The following FRMD4A variants were observed in gnomAD, a reference collection of about 807,000 sequenced individuals.
FRMD4A encodes the protein FERM domain-containing protein 4A.
In FRMD4A, 29 loss-of-function variants were observed where a neutral mutation model predicts 129.1. The observed-to-expected ratio is 0.22, with a 90% confidence interval of 0.17 to 0.31. The LOEUF (loss-of-function observed/expected upper bound fraction) is 0.31. Ranked by LOEUF, FRMD4A falls within the 10% of genes least tolerant of loss-of-function variation. The probability of loss-of-function intolerance (pLI) is 1.00; values close to 1 mark genes in which losing one functional copy is unlikely to be tolerated. For missense variants in FRMD4A, 1,272 were observed against 1,375.8 expected, an observed-to-expected ratio of 0.92 and a Z score of 1.19; for synonymous variants, 634 against 571.6, an observed-to-expected ratio of 1.11 and a Z score of -1.56.
chr10:14,072,350 C>G (rs1261673888), intron 2 of FRMD4A, among the ~76,000 whole-genome samples: 2 of 152,096 alleles, frequency 1.3e-5, no homozygotes. Flanking sequence ...GAAGAAAAAG[C>G]CAAAAATAAC....
chr10:14,321,805 A>G (rs1843066421), intron 2 of FRMD4A, among the ~76,000 whole-genome samples: 1 of 152,152 alleles, frequency 6.6e-6, no homozygotes, highest in Admixed American at 6.5e-5. Flanking sequence ...CCAAATCTCA[A>G]GTCTGAATTG....
chr10:14,282,211 G>C (rs1388427987), intron 2 of FRMD4A, among the ~76,000 whole-genome samples: 1 of 152,134 alleles, frequency 6.6e-6, no homozygotes, highest in Non-Finnish European at 1.5e-5. Context: ...GGAATTAGGG[G>C]AGCTAAAATT....
At chr10:13,834,521 C>T (rs1349438473) in intron 3 of FRMD4A, among the ~76,000 whole-genome samples, 1 of 152,178 alleles carries the variant, frequency 6.6e-6, no homozygotes, top group Non-Finnish European at 1.5e-5. Context: ...CTTGGAGTTC[C>T]TCTAAGTATT....
At chr10:13,788,282 C>CACGT (rs2092915812) in intron 5 of FRMD4A, among the ~76,000 whole-genome samples, 1 of 152,162 alleles carries the variant, frequency 6.6e-6, no homozygotes, top group Non-Finnish European at 1.5e-5. Context: ...ACCCTAGGGA[C>CACGT]ACGTACCAGA....
chr10:14,308,160 G>A (rs1846414836), intron 2 of FRMD4A, among the ~76,000 whole-genome samples: 1 of 152,204 alleles, frequency 6.6e-6, no homozygotes, highest in Non-Finnish European at 1.5e-5. Context: ...GTCAAATGAA[G>A]CCAGTTTTGA....
chr10:13,732,006 T>A (rs2090352481), intron 12 of FRMD4A, among the ~76,000 whole-genome samples: 1 of 152,186 alleles, frequency 6.6e-6, no homozygotes, highest in Non-Finnish European at 1.5e-5. Context: ...GATTTTCGAT[T>A]TTTTGACAAA....
At chr10:13,856,013 ACTATCTAT>A (rs67479789) in intron 3 of FRMD4A, among the ~76,000 whole-genome samples, 11,886 of 147,828 alleles carry the variant, frequency 0.08, 545 homozygotes, top group East Asian at 0.2. Flanking sequence ...ACACACAAAT[ACTATCTAT>A]CTATCTATCT....
At chr10:13,683,618 G>A (rs2084814986) in intron 15 of FRMD4A, among the ~76,000 whole-genome samples, 1 of 151,868 alleles carries the variant, frequency 6.6e-6, no homozygotes, top group Non-Finnish European at 1.5e-5. Context: ...AAAAAAGAAT[G>A]AGACAGGTAG....
At chr10:14,155,386 C>T (rs1191321245) in intron 2 of FRMD4A, among the ~76,000 whole-genome samples, 1 of 152,152 alleles carries the variant, frequency 6.6e-6, no homozygotes, top group Non-Finnish European at 1.5e-5. Flanking sequence ...TAAGAGTCAC[C>T]TTGATCCCAG....
chr10:14,058,284 C>T (rs962779805), intron 2 of FRMD4A, among the ~76,000 whole-genome samples: 1 of 152,134 alleles, frequency 6.6e-6, no homozygotes, highest in African/African-American at 2.4e-5. Flanking sequence ...TTGAGTTACA[C>T]ACCTATTGCT....
intron 2 of FRMD4A, among the ~76,000 whole-genome samples, chr10:14,142,646 C>T (rs1839892884): frequency 6.6e-6 from 1 of 152,168 alleles, no homozygotes; most frequent in Admixed American, 6.5e-5. Flanking sequence ...TAATCCAATG[C>T]AGTCATTTAT....
chr10:14,321,785 G>C (rs1378457312), intron 2 of FRMD4A, among the ~76,000 whole-genome samples: 2 of 152,296 alleles, frequency 1.3e-5, no homozygotes, highest in East Asian at 3.9e-4. Context: ...GTTTGCATCT[G>C]TGTCCCTGCC....
At chr10:13,994,129 C>T (rs1357566324) in intron 2 of FRMD4A, among the ~76,000 whole-genome samples, 1 of 150,714 alleles carries the variant, frequency 6.6e-6, no homozygotes, top group Non-Finnish European at 1.5e-5. Flanking sequence ...CTGTCTCAGC[C>T]TCCCGAGTAG....
intron 2 of FRMD4A, among the ~76,000 whole-genome samples, chr10:14,275,662 G>C (rs946772852): frequency 1.1e-4 from 16 of 152,182 alleles, no homozygotes; most frequent in African/African-American, 3.9e-4. Context: ...AGATGGTCAA[G>C]GTGGTTAACT....
chr10:13,823,022 T>C (rs1443893177), intron 3 of FRMD4A, among the ~76,000 whole-genome samples: 1 of 152,202 alleles, frequency 6.6e-6, no homozygotes, highest in Non-Finnish European at 1.5e-5. Flanking sequence ...CATCTTCTTA[T>C]TTCCACATAG....
chr10:13,882,034 T>C (rs2094553127), intron 2 of FRMD4A, among the ~76,000 whole-genome samples: 1 of 27,056 alleles, frequency 3.7e-5, no homozygotes, highest in African/African-American at 9.8e-5. Flanking sequence ...TGTGTGTGTG[T>C]GTGTGATGGT....
rs936025020 is a variant in FRMD4A, at chr10:13,891,939, G to C, written c.46-33027C>G. ...CGCGCCCCGAGCCAGTCCCCGGCGC[G>C]CTGCTAGGTCGGGTGCTAGGCGGCC... is the stretch of plus-strand genomic sequence containing the variant. On this transcript the variant is annotated intron_variant, in intron 2 of 24. Transcript: ENST00000357447. 5.4e-3 allele frequency among the ~76,000 whole-genome samples: 800 copies of C among 148,294 alleles called. 8 individuals carry two copies. The highest frequency in any genetic ancestry group is 6.0e-3 in the Non-Finnish European group (401 of 66,740).
chr10:14,021,062 G>C (rs1832723008), intron 2 of FRMD4A, among the ~76,000 whole-genome samples: 1 of 152,062 alleles, frequency 6.6e-6, no homozygotes, highest in African/African-American at 2.4e-5. Flanking sequence ...TAGCTGCACT[G>C]TATTGATAAG....
rs548552259 is a variant in FRMD4A, at chr10:13,680,667, G to A, written c.1118-5623C>T. Among the ~76,000 whole-genome samples, 22 of 152,164 alleles carry A rather than the reference G, an allele frequency of 1.4e-4. No individual in the cohort carries two copies. The South Asian group carries it at 1.9e-3, about 13-fold the overall frequency. ...CTTGAACCTCGGAGGCGGAGGTTGC[G>A]GTGAGCTGAGATGGCGCCACTGCAC... On this transcript the variant is annotated intron_variant, in intron 15 of 24. Coordinates refer to ENST00000357447, the MANE Select transcript of FRMD4A (RefSeq NM_018027.5).
Sources: allele counts gnomAD v4.1 joint callset (sites outside exome capture counted in the v4.1 genomes callset), GRCh38; gene constraint gnomAD v4.1.1; transcripts MANE v1.5; gene names NCBI Gene and HGNC (gene_info 2026-07-23, HGNC 2026-07-21).